SORCS2: variants seen among roughly 807,000 people sequenced by gnomAD.
SORCS2 encodes VPS10 domain-containing receptor SorCS2.
A neutral mutation model predicts 141.6 loss-of-function variants in SORCS2; 100 were observed. That is an observed-to-expected ratio of 0.71 (90% CI 0.60 to 0.83). The LOEUF (loss-of-function observed/expected upper bound fraction) is 0.83. Among genes scored for constraint, SORCS2 ranks in the 40% least tolerant of loss-of-function variants. The pLI is 0.00. For synonymous variants in SORCS2, 789 were observed against 676.9 expected, an observed-to-expected ratio of 1.17 and a Z score of -2.57; for missense variants, 1,646 against 1,560.2, an observed-to-expected ratio of 1.05 and a Z score of -0.93.
In SORCS2 at chr4:7,420,695, C is replaced by T. The variant is rs1725982269; in HGVS notation, c.548+24340C>T. On this transcript the variant is annotated intron_variant, in intron 2 of 26. Coordinates refer to ENST00000507866, the MANE Select transcript of SORCS2 (RefSeq NM_020777.3). ...CCCCTGAGCCCCGTGCCCCATCTAG[C>T]AAGCTAGGGCAGTGGCAGTCACATA... Among the ~76,000 whole-genome samples, 7 of 152,290 alleles carry T rather than the reference C, an allele frequency of 4.6e-5. No homozygotes were observed. In the South Asian group the frequency reaches 1.4e-3, roughly 32 times the overall value.
intron 2 of SORCS2, among the ~76,000 whole-genome samples, chr4:7,450,991 G>A (rs570963648): frequency 6.7e-6 from 1 of 148,720 alleles, no homozygotes; most frequent in Non-Finnish European, 1.5e-5. Flanking sequence ...TGACTGAGTG[G>A]GTGAATGAGG....
intron 2 of SORCS2, among the ~76,000 whole-genome samples, chr4:7,454,122 C>G (rs1173482052): frequency 8.6e-6 from 1 of 116,636 alleles, no homozygotes; most frequent in Non-Finnish European, 1.7e-5. Flanking sequence ...GGGTCAGGCA[C>G]TGTGTTGGGG....
At chr4:7,275,948 T>A (rs1715470275) in intron 1 of SORCS2, among the ~76,000 whole-genome samples, 1 of 152,156 alleles carries the variant, frequency 6.6e-6, no homozygotes, top group South Asian at 2.1e-4. Flanking sequence ...ATGAAGTGCA[T>A]CCAGGCAAGT....
Position 7,715,232 on chromosome 4 carries a change from T to C in SORCS2, c.2173T>C (p.Cys725Arg), listed in dbSNP as rs1350379766. 6.2e-7 allele frequency: 1 copy of C among 1,613,960 alleles called. No individual in the cohort carries two copies. Among genetic ancestry groups the C allele is most frequent in the Non-Finnish European group, 8.5e-7 (1 of 1,179,866 alleles). The change falls in exon 17 of 27, where the codon TGC (cysteine) becomes CGC (arginine). Residue 725 changes from cysteine to arginine, a missense_variant. Transcript: ENST00000507866. The stretch of plus-strand genomic sequence containing the variant: ...CTCCTCAGAGTCCAGCACCAACAAG[T>C]GCTCTGCCAACTTCTGGTTTAACCC... ...SSSSESSTNK[C>R]SANFWFNPLS...
In SORCS2 at chr4:7,434,430, CA is replaced by C. The variant is rs1385782212; in HGVS notation, c.548+38076del. On this transcript the variant is annotated intron_variant, in intron 2 of 26. Coordinates refer to ENST00000507866, the MANE Select transcript of SORCS2 (RefSeq NM_020777.3). ...AGGTGTCCTCTTTGGAGAGTGGCCT[CA>C]GGGTGGCCAGGTGCCTCTGCAGCGG... The C allele has an allele frequency of 5.0e-6, 8 of 1,609,206 alleles. No individual in the cohort carries two copies. In the South Asian group the frequency reaches 8.9e-5, roughly 18 times the overall value.
At chr4:7,232,095 G>T (rs1166993288) in intron 1 of SORCS2, among the ~76,000 whole-genome samples, 6 of 152,238 alleles carry the variant, frequency 3.9e-5, no homozygotes, top group Non-Finnish European at 8.8e-5. Context: ...TCTGCGGAGG[G>T]TGGTGGGAGA....
In SORCS2 at chr4:7,676,338, T is replaced by G. The variant is rs1723111697; in HGVS notation, c.1341+109T>G. 3 of 1,239,164 alleles carry G rather than the reference T, an allele frequency of 2.4e-6. No homozygotes were observed. The Admixed American group carries it at 6.3e-5, about 26-fold the overall frequency. The allele number at this position is 1,239,164 out of a possible 1,614,324, so 76.8% of individuals were successfully genotyped here. A position where few individuals can be genotyped will look rare whatever the true frequency, so the allele number is the denominator to read the frequency against. On this transcript the variant is annotated intron_variant, in intron 9 of 26. Coordinates refer to ENST00000507866, the MANE Select transcript of SORCS2 (RefSeq NM_020777.3). ...CCTCCCGCCTGTCTATATAGCTGTC[T>G]CAAGGGTCTGCACACATCTTCTGTA...
intron 12 of SORCS2, among the ~76,000 whole-genome samples, chr4:7,702,127 A>G (rs1725124885): frequency 6.6e-6 from 1 of 152,140 alleles, no homozygotes; most frequent in South Asian, 2.1e-4. Flanking sequence ...GCACACTGAG[A>G]CGGATGAGCG....
chr4:7,733,481 G>A lies in SORCS2; in HGVS notation c.3208+60G>A, dbSNP rs903128969. On this transcript the variant is annotated intron_variant, in intron 24 of 26. Coordinates refer to ENST00000507866, the MANE Select transcript of SORCS2 (RefSeq NM_020777.3). The stretch of plus-strand genomic sequence containing the variant: ...GAGGAGGCATCCGGGCCCTGGAGAA[G>A]CCATGTCCCTGCAGGGCCCTCGGGC... 7.2e-6 allele frequency: 10 copies of A among 1,386,786 alleles called. No individual in the cohort carries two copies. The African/African-American group carries it at 1.2e-4, about 16-fold the overall frequency. The allele number at this position is 1,386,786 out of a possible 1,614,324, so 85.9% of individuals were successfully genotyped here. A position where few individuals can be genotyped will look rare whatever the true frequency, so the allele number is the denominator to read the frequency against.
chr4:7,244,730 C>T (rs1033003064), intron 1 of SORCS2, among the ~76,000 whole-genome samples: 6 of 152,230 alleles, frequency 3.9e-5, no homozygotes, highest in Non-Finnish European at 8.8e-5. Context: ...CCACCTACCT[C>T]CCCCAACTCT....
At position 7,664,075 on chromosome 4, in the gene SORCS2, G is replaced by A. The variant is rs549580820; in HGVS notation, c.953-278G>A. Among the ~76,000 whole-genome samples the A allele has an allele frequency of 5.9e-5, 9 of 152,310 alleles. No homozygotes were observed. The highest frequency in any genetic ancestry group is 5.8e-4 in the East Asian group (3 of 5,174). On this transcript the variant is annotated intron_variant, in intron 6 of 26. Coordinates refer to ENST00000507866, the MANE Select transcript of SORCS2 (RefSeq NM_020777.3). This position sits in a 1 kb window ranked among gnomAD's most constrained non-coding sequence, Gnocchi z 4.7. ...GTCTGGGTGTGGCGAGGTACCCACC[G>A]TCGCCTGTGCTGACCCCTCCTGCAG...
intron 1 of SORCS2, among the ~76,000 whole-genome samples, chr4:7,235,565 G>A (rs1007906700): frequency 7.2e-5 from 11 of 152,352 alleles, no homozygotes; most frequent in African/African-American, 1.4e-4. Context: ...GGTGATTAGC[G>A]GGGAGGTGTT....
At chr4:7,627,089 G>T (rs1207323491) in intron 3 of SORCS2, among the ~76,000 whole-genome samples, 2 of 152,150 alleles carry the variant, frequency 1.3e-5, no homozygotes, top group Non-Finnish European at 2.9e-5. Context: ...AGGCTCAAGA[G>T]ATCCTCCTGC....
chr4:7,661,653 C>T (rs974861674), intron 6 of SORCS2, 89 bp downstream of exon 6: 16 of 1,242,230 alleles, frequency 1.3e-5, no homozygotes, highest in Middle Eastern at 1.9e-4. Flanking sequence ...GTCGCTTGTC[C>T]GCAATGGCTG....
chr4:7,607,735 A>G (rs1718152035), intron 3 of SORCS2, among the ~76,000 whole-genome samples: 1 of 152,160 alleles, frequency 6.6e-6, no homozygotes, highest in African/African-American at 2.4e-5. Flanking sequence ...ATCTCAGAGC[A>G]GCATAGTTCC....
chr4:7,473,469 G>C (rs28705151), intron 2 of SORCS2, among the ~76,000 whole-genome samples: 21,181 of 151,906 alleles, frequency 0.14, 2,039 homozygotes, highest in African/African-American at 0.25. Context: ...GAAGGGCTGA[G>C]GGGCGTGCAC....
At chr4:7,720,249 T>C (rs1188177037) in intron 18 of SORCS2, among the ~76,000 whole-genome samples, 4 of 152,118 alleles carry the variant, frequency 2.6e-5, no homozygotes, top group African/African-American at 9.7e-5. Flanking sequence ...AATAAACCCA[T>C]ATAAATATGG....
chr4:7,617,369 C>G (rs763013581), intron 3 of SORCS2, among the ~76,000 whole-genome samples: 1 of 152,130 alleles, frequency 6.6e-6, no homozygotes, highest in African/African-American at 2.4e-5. Flanking sequence ...TACCCATCCA[C>G]CCACCCACCC....
At chr4:7,680,860 A>T (rs73202600) in intron 9 of SORCS2, among the ~76,000 whole-genome samples, 1 of 152,160 alleles carries the variant, frequency 6.6e-6, no homozygotes, top group Non-Finnish European at 1.5e-5. Context: ...TAAACAAGCC[A>T]CAGCCATCAG....
Sources: gnomAD v4.1 joint callset for allele counts (sites outside exome capture counted in the v4.1 genomes callset) on GRCh38, gnomAD v4.1.1 for gene constraint, Gnocchi (gnomAD v3.1) non-coding constraint, MANE v1.5 for transcripts, NCBI Gene and HGNC (gene_info 2026-07-23, HGNC 2026-07-21) for gene names.